The following TIAM1 variants were observed in gnomAD, a reference collection of about 807,000 sequenced individuals.
TIAM1 encodes the protein rho guanine nucleotide exchange factor TIAM1.
In TIAM1, 65 loss-of-function variants were observed where a neutral mutation model predicts 163.5. That is an observed-to-expected ratio of 0.40 (90% CI 0.33 to 0.49). TIAM1 has a LOEUF of 0.49. Among genes scored for constraint, TIAM1 ranks in the 20% least tolerant of loss-of-function variants. TIAM1 has a pLI of 0.77. For missense variants in TIAM1, 1,789 were observed against 2,044.7 expected (o/e 0.87, Z 2.41); for synonymous variants, 833 against 810.1 (o/e 1.03, Z -0.48).
At chr21:31,171,414 T>G (rs2084508283) in intron 15 of TIAM1, among the ~76,000 whole-genome samples, 1 of 152,188 alleles carries the variant, frequency 6.6e-6, no homozygotes, top group African/African-American at 2.4e-5. Context: ...AAAGGCACCA[T>G]AAATACAAGA....
intron 22 of TIAM1, among the ~76,000 whole-genome samples, chr21:31,136,765 G>A (rs550014381): frequency 2.2e-3 from 329 of 152,290 alleles, no homozygotes; most frequent in Non-Finnish European, 3.3e-3. Flanking sequence ...GCTAATGGCC[G>A]TCCATGACAA....
chr21:31,418,311 C>T (rs1264645352), intron 2 of TIAM1, among the ~76,000 whole-genome samples: 3 of 139,656 alleles, frequency 2.1e-5, no homozygotes, highest in African/African-American at 8.0e-5. Flanking sequence ...CACTGCACTC[C>T]AGCCTGGGCG....
rs148934450 is a variant in TIAM1, at chr21:31,399,339, T to C, written c.-368-59917A>G. 3.4e-3 allele frequency among the ~76,000 whole-genome samples: 524 copies of C among 152,268 alleles called. 4 individuals carry two copies. Among genetic ancestry groups the C allele is most frequent in the African/African-American group, 0.012 (497 of 41,572 alleles). On this transcript the variant is annotated intron_variant, in intron 2 of 28. Transcript: ENST00000286827. ...AATACTTCGTGCCATTTCAAACCGA[T>C]TTTGATTTAAGATATATTACAATCT...
At chr21:31,503,495 G>A in intron 1 of TIAM1, among the ~76,000 whole-genome samples, 1 of 100,806 alleles carries the variant, frequency 9.9e-6, no homozygotes, top group African/African-American at 3.9e-5. Context: ...GGGAAAGAGA[G>A]AAAGAGAAAG....
At chr21:31,381,517 A>C (rs71321385) in intron 2 of TIAM1, among the ~76,000 whole-genome samples, 15,110 of 151,990 alleles carry the variant, frequency 0.099, 791 homozygotes, top group Middle Eastern at 0.13. Flanking sequence ...AAAATACAAA[A>C]ATTAGCTGGG....
At chr21:31,346,401 A>G (rs1219319137), upstream of TIAM1, among the ~76,000 whole-genome samples, 1 of 152,220 alleles carries the variant, frequency 6.6e-6, no homozygotes, top group Non-Finnish European at 1.5e-5. Context: ...GCAGACACTG[A>G]GATCAGAGGC....
intron 2 of TIAM1, among the ~76,000 whole-genome samples, chr21:31,405,418 G>T (rs760143276): frequency 6.6e-6 from 1 of 152,046 alleles, no homozygotes; most frequent in Non-Finnish European, 1.5e-5. Flanking sequence ...ACCCTGGACC[G>T]GTTCCTTTGC....
chr21:31,260,566 C>A (rs1176386010), intron 4 of TIAM1, among the ~76,000 whole-genome samples: 3 of 151,610 alleles, frequency 2.0e-5, no homozygotes, highest in Non-Finnish European at 4.4e-5. Flanking sequence ...AACTACCTAC[C>A]CACCTTCCAA....
At chr21:31,221,553 T>C (rs1014866680) in intron 8 of TIAM1, among the ~76,000 whole-genome samples, 1 of 152,108 alleles carries the variant, frequency 6.6e-6, no homozygotes, top group Admixed American at 6.5e-5. Flanking sequence ...TATGGAAGAG[T>C]AAAACGGTAA....
chr21:31,206,046 C>T (rs1310966520), intron 11 of TIAM1, among the ~76,000 whole-genome samples: 1 of 152,026 alleles, frequency 6.6e-6, no homozygotes, highest in African/African-American at 2.4e-5. Context: ...CTTTAAGTTA[C>T]AATAATGTCT....
At chr21:31,527,787 C>T (rs2047835826) in intron 1 of TIAM1, among the ~76,000 whole-genome samples, 1 of 152,090 alleles carries the variant, frequency 6.6e-6, no homozygotes, top group Non-Finnish European at 1.5e-5. Context: ...CTCAGTGTGT[C>T]CCAGTCTCCA....
At chr21:31,511,641 G>A (rs141584052) in intron 1 of TIAM1, among the ~76,000 whole-genome samples, 1 of 152,284 alleles carries the variant, frequency 6.6e-6, no homozygotes, top group African/African-American at 2.4e-5. Context: ...TTATGTCACC[G>A]ACGTATGCTT....
chr21:31,160,315 G>A (rs1033862414), intron 16 of TIAM1: 3 of 396,682 alleles, frequency 7.6e-6, no homozygotes, highest in Non-Finnish European at 1.3e-5. Flanking sequence ...TATCCAGAGG[G>A]TAAAAGGACA....
chr21:31,458,831 T>G (rs539698241), intron 2 of TIAM1, among the ~76,000 whole-genome samples: 1 of 152,178 alleles, frequency 6.6e-6, no homozygotes, highest in South Asian at 2.1e-4. Context: ...GAGGCGATAT[T>G]TGAGCCAAGA....
intron 2 of TIAM1, among the ~76,000 whole-genome samples, chr21:31,365,352 C>G (rs1280024477): frequency 6.6e-6 from 1 of 151,704 alleles, no homozygotes; most frequent in Non-Finnish European, 1.5e-5. Flanking sequence ...ATAGGAAGCA[C>G]CTGCTGGCAG....
intron 25 of TIAM1, among the ~76,000 whole-genome samples, chr21:31,128,914 G>A (rs2082308406): frequency 6.6e-6 from 1 of 152,172 alleles, no homozygotes; most frequent in Admixed American, 6.5e-5. Flanking sequence ...GGACTAGGGT[G>A]GGTTGGTTTT....
intron 1 of TIAM1, among the ~76,000 whole-genome samples, chr21:31,521,346 G>T (rs550466579): frequency 1.3e-5 from 2 of 152,164 alleles, no homozygotes; most frequent in Non-Finnish European, 2.9e-5. Context: ...GAAAACCTAA[G>T]GTTCCAGCAG....
At chr21:31,225,567 G>A (rs1454269234) in intron 7 of TIAM1, among the ~76,000 whole-genome samples, 159 bp downstream of exon 7, 1 of 150,270 alleles carries the variant, frequency 6.7e-6, no homozygotes, top group Non-Finnish European at 1.5e-5. Flanking sequence ...AAAGGGTGAA[G>A]AACACTGACA....
intron 1 of TIAM1, among the ~76,000 whole-genome samples, chr21:31,495,647 G>A (rs2046614421): frequency 6.6e-6 from 1 of 152,210 alleles, no homozygotes. Flanking sequence ...GTCAGTGACA[G>A]TGGTCTGAAC....
Sources: allele counts gnomAD v4.1 joint callset (sites outside exome capture counted in the v4.1 genomes callset), GRCh38; gene constraint gnomAD v4.1.1; transcripts MANE v1.5; gene names NCBI Gene and HGNC (gene_info 2026-07-23, HGNC 2026-07-21).